The following ATP8A2 variants were observed in gnomAD, a reference collection of about 807,000 sequenced individuals.
The protein encoded by ATP8A2 is phospholipid-transporting ATPase IB.
ATP8A2 carries 100 observed loss-of-function variants against 165.6 expected under a neutral mutation model. The observed-to-expected ratio is 0.60, with a 90% confidence interval of 0.51 to 0.71. The LOEUF (loss-of-function observed/expected upper bound fraction) is 0.71, where lower values mean the gene tolerates loss of function less well. ATP8A2 is among the 30% of genes least tolerant of loss of function. The probability of loss-of-function intolerance (pLI) is 0.00; values close to 1 mark genes in which losing one functional copy is unlikely to be tolerated. For synonymous variants in ATP8A2, 543 were observed against 548.8 expected (o/e 0.99, Z 0.15); for missense variants, 1,227 against 1,479.5 (o/e 0.83, Z 2.80).
chr13:25,791,192 A>C (rs534674329), intron 27 of ATP8A2, among the ~76,000 whole-genome samples: 1 of 152,210 alleles, frequency 6.6e-6, no homozygotes, highest in African/African-American at 2.4e-5. Flanking sequence ...ACACCATGGG[A>C]TACTATGCAG....
intron 2 of ATP8A2, among the ~76,000 whole-genome samples, chr13:25,519,465 G>T (rs1227391832): frequency 2.0e-5 from 3 of 152,030 alleles, no homozygotes. Context: ...ATCTCCGGGG[G>T]CTGGCACACT....
chr13:25,628,448 C>G (rs1179351458), intron 24 of ATP8A2, among the ~76,000 whole-genome samples: 1 of 152,190 alleles, frequency 6.6e-6, no homozygotes, highest in Admixed American at 6.6e-5. Context: ...CGTTTTCATA[C>G]TTCCTTGCCT....
At chr13:25,843,828 G>T (rs373752394) in intron 30 of ATP8A2, among the ~76,000 whole-genome samples, 2 of 152,062 alleles carry the variant, frequency 1.3e-5, no homozygotes, top group African/African-American at 4.8e-5. Flanking sequence ...TAGTCAAGAC[G>T]ACTACAGCAT....
At chr13:25,839,122 G>A (rs989719051) in intron 29 of ATP8A2, among the ~76,000 whole-genome samples, 1 of 152,146 alleles carries the variant, frequency 6.6e-6, no homozygotes, top group African/African-American at 2.4e-5. Flanking sequence ...CATCCCATCT[G>A]CCCCGACACA....
At chr13:25,921,079 A>G (rs1954439514) in intron 33 of ATP8A2, among the ~76,000 whole-genome samples, 1 of 151,818 alleles carries the variant, frequency 6.6e-6, no homozygotes, top group Admixed American at 6.6e-5. Context: ...CAAAACATAA[A>G]CCACAAAACA....
intron 6 of ATP8A2, among the ~76,000 whole-genome samples, chr13:25,535,498 C>A (rs2038249209): frequency 6.6e-6 from 1 of 152,104 alleles, no homozygotes; most frequent in Admixed American, 6.5e-5. Flanking sequence ...ATTGCACACA[C>A]AAGGAACAAT....
chr13:25,714,124 AAGG>A (rs2043208116), intron 25 of ATP8A2, among the ~76,000 whole-genome samples: 2 of 88,088 alleles, frequency 2.3e-5, no homozygotes, highest in African/African-American at 1.1e-4. Context: ...AAAAGAAAGA[AAGG>A]AAGGAAGGAA....
At chr13:25,838,572 T>C (rs1951680062) in intron 29 of ATP8A2, among the ~76,000 whole-genome samples, 1 of 152,104 alleles carries the variant, frequency 6.6e-6, no homozygotes, top group South Asian at 2.1e-4. Flanking sequence ...AATTTTTTTT[T>C]TTTTTTTAAG....
intron 2 of ATP8A2, among the ~76,000 whole-genome samples, chr13:25,492,973 A>G (rs1047284328): frequency 1.3e-5 from 2 of 152,172 alleles, no homozygotes; most frequent in Non-Finnish European, 2.9e-5. Context: ...TTGTGCTTGG[A>G]AGGAAGATGT....
chr13:25,691,859 T>C (rs918722994), intron 24 of ATP8A2, among the ~76,000 whole-genome samples: 4 of 152,242 alleles, frequency 2.6e-5, no homozygotes, highest in African/African-American at 7.2e-5. Context: ...TTGGCAGCTT[T>C]TGTTAGCCCA....
intron 11 of ATP8A2, among the ~76,000 whole-genome samples, chr13:25,553,550 G>A (rs2138067784): frequency 6.6e-6 from 1 of 152,304 alleles, no homozygotes; most frequent in Admixed American, 6.5e-5. Context: ...CAGTGACCAT[G>A]CCTTCCCATT....
Position 25,895,077 on chromosome 13 carries a change from T to C in ATP8A2, c.3183+32669T>C, listed in dbSNP as rs565057583. Reference sequence around the variant, plus strand: ...CCAGAACTTCCAACACTATGTTGAATAGGAGTGGTGAGAGAGGGCATCCCT... The same window carrying C: ...CCAGAACTTCCAACACTATGTTGAACAGGAGTGGTGAGAGAGGGCATCCCT... On this transcript the variant is annotated intron_variant, in intron 33 of 36. Coordinates refer to ENST00000381655, the MANE Select transcript of ATP8A2 (RefSeq NM_016529.6). 2.5e-3 allele frequency among the ~76,000 whole-genome samples: 375 copies of C among 152,340 alleles called. 3 individuals carry two copies. The highest frequency in any genetic ancestry group is 7.9e-3 in the African/African-American group (328 of 41,578).
chr13:25,806,361 C>T (rs1490170069), intron 27 of ATP8A2, among the ~76,000 whole-genome samples: 2 of 151,970 alleles, frequency 1.3e-5, no homozygotes, highest in African/African-American at 4.8e-5. Flanking sequence ...CTTCAAAAGG[C>T]CACCTCTCAG....
intron 35 of ATP8A2, among the ~76,000 whole-genome samples, chr13:25,996,494 C>A (rs1313375313): frequency 1.3e-5 from 2 of 152,156 alleles, no homozygotes; most frequent in East Asian, 3.9e-4. Flanking sequence ...CTTCTTTTAT[C>A]ATTTCCTTTT....
chr13:25,538,129 T>G (rs1000009854), intron 7 of ATP8A2, 68 bp downstream of exon 7: 9 of 1,221,108 alleles, frequency 7.4e-6, no homozygotes, highest in Admixed American at 5.3e-5. Flanking sequence ...AAGCAGCACC[T>G]GGGGCAGTCT....
At chr13:26,001,013 T>G (rs895616757) in intron 35 of ATP8A2, among the ~76,000 whole-genome samples, 1 of 152,230 alleles carries the variant, frequency 6.6e-6, no homozygotes, top group Non-Finnish European at 1.5e-5. Flanking sequence ...CCCATATGTG[T>G]GACGCAGTCC....
intron 27 of ATP8A2, among the ~76,000 whole-genome samples, chr13:25,783,067 C>A (rs1479320118): frequency 1.5e-5 from 2 of 134,322 alleles, no homozygotes; most frequent in South Asian, 2.4e-4. Flanking sequence ...ACTATTTATT[C>A]TTGTATTGAT....
intron 33 of ATP8A2, among the ~76,000 whole-genome samples, chr13:25,898,664 T>G (rs1255747461): frequency 6.6e-6 from 1 of 152,236 alleles, no homozygotes; most frequent in African/African-American, 2.4e-5. Flanking sequence ...TGAGCTGTGG[T>G]GGGCTCCACC....
At chr13:25,910,038 T>G (rs1020284552) in intron 33 of ATP8A2, among the ~76,000 whole-genome samples, 3 of 152,344 alleles carry the variant, frequency 2.0e-5, no homozygotes, top group Admixed American at 1.3e-4. Context: ...TCCCGTCATC[T>G]GCTGCGGGAT....
Sources: gnomAD v4.1 joint callset for allele counts (sites outside exome capture counted in the v4.1 genomes callset) on GRCh38, gnomAD v4.1.1 for gene constraint, MANE v1.5 for transcripts, NCBI Gene and HGNC (gene_info 2026-07-23, HGNC 2026-07-21) for gene names.